SRPK1: variants seen among roughly 807,000 people sequenced by gnomAD.
The protein encoded by SRPK1 is SFRS protein kinase 1.
In SRPK1, 52 loss-of-function variants were observed where a neutral mutation model predicts 89.5. The observed-to-expected ratio is 0.58, with a 90% confidence interval of 0.46 to 0.73. The LOEUF (loss-of-function observed/expected upper bound fraction) is 0.73. SRPK1 is among the 30% of genes least tolerant of loss of function. The probability of loss-of-function intolerance (pLI) is 0.00; values close to 1 mark genes in which losing one functional copy is unlikely to be tolerated. For synonymous variants in SRPK1, 255 were observed against 270.2 expected (o/e 0.94, Z 0.55); for missense variants, 603 against 780.6 (o/e 0.77, Z 2.71).
rs1003406705 is a variant in SRPK1 at position 35,885,958 on chromosome 6, C to T, written c.478+766G>A. Reference sequence around the variant, plus strand: ...CCTTTTAGACTCTAAACATAAACTACATTCACAGCCTCTTCAAAGTTGAGG... The same window carrying T: ...CCTTTTAGACTCTAAACATAAACTATATTCACAGCCTCTTCAAAGTTGAGG... On this transcript the variant is annotated intron_variant, in intron 6 of 15. Coordinates refer to ENST00000373825, the MANE Select transcript of SRPK1 (RefSeq NM_003137.5). Among the ~76,000 whole-genome samples, 16 of 152,172 alleles carry T rather than the reference C, an allele frequency of 1.1e-4. No individual in the cohort carries two copies. The South Asian group carries it at 1.7e-3, about 16-fold the overall frequency.
chr6:35,867,083 T>C (rs9470152), intron 12 of SRPK1, among the ~76,000 whole-genome samples: 48,351 of 151,980 alleles, frequency 0.32, 7,931 homozygotes, highest in South Asian at 0.42. Flanking sequence ...GATGGATCCA[T>C]TGAAGGCCCT....
At chr6:35,879,954 T>A (rs1460805541) in intron 6 of SRPK1, among the ~76,000 whole-genome samples, 1 of 151,474 alleles carries the variant, frequency 6.6e-6, no homozygotes, top group Non-Finnish European at 1.5e-5. Flanking sequence ...ACCTGTAGTC[T>A]GGAGGCTTAG....
intron 2 of SRPK1, among the ~76,000 whole-genome samples, chr6:35,908,111 G>A (rs1770888672): frequency 6.6e-6 from 1 of 152,148 alleles, no homozygotes; most frequent in Non-Finnish European, 1.5e-5. Context: ...CCCGGTCTCA[G>A]GTAGTATTCT....
At chr6:35,842,283 G>C (rs962557804) in intron 14 of SRPK1, among the ~76,000 whole-genome samples, 1 of 152,136 alleles carries the variant, frequency 6.6e-6, no homozygotes, top group African/African-American at 2.4e-5. Flanking sequence ...ACTAGATGTT[G>C]AAGAAAAAAT....
intron 8 of SRPK1, 21 bp downstream of exon 8, chr6:35,872,542 A>T: frequency 1.3e-6 from 2 of 1,561,920 alleles, no homozygotes; most frequent in Non-Finnish European, 1.7e-6. Flanking sequence ...ATGATAGCGA[A>T]GTCCCTAAAA....
chr6:35,920,588 G>A, intron 1 of SRPK1, 60 bp from the exon 2 acceptor site: 2 of 1,542,778 alleles, frequency 1.3e-6, no homozygotes, highest in Non-Finnish European at 1.8e-6. Context: ...ACCAAGGTGA[G>A]GGTGGAGACC....
intron 6 of SRPK1, among the ~76,000 whole-genome samples, chr6:35,884,961 T>C (rs142325666): frequency 0.01 from 1,555 of 152,106 alleles, 22 homozygotes; most frequent in African/African-American, 0.035. Context: ...GATTATGCCA[T>C]TGAACTCCAA....
rs1472232213 is a variant in SRPK1, at chr6:35,834,893, C to T, written c.*411G>A. 6.4e-6 allele frequency: 1 copy of T among 155,888 alleles called. No homozygotes were observed. The highest frequency in any genetic ancestry group is 2.4e-5 in the African/African-American group (1 of 41,640). 9.7% of individuals were successfully genotyped at this position (155,888 alleles called of 1,614,324 possible). On this transcript the variant is annotated 3_prime_UTR_variant, in exon 16 of 16. Transcript: ENST00000373825. ...ATAGAATTAAGACCCTTTCCCCCTC[C>T]TCATCCTTATGCTGGCAATAGGATA...
chr6:35,861,028 G>A (rs148718885), intron 12 of SRPK1, among the ~76,000 whole-genome samples: 4 of 152,276 alleles, frequency 2.6e-5, no homozygotes, highest in Non-Finnish European at 4.4e-5. Flanking sequence ...CCACTGCAAC[G>A]TTTAGCGAAT....
chr6:35,885,290 CACACACACAGAGAGAGAG>C (rs1770381371), intron 6 of SRPK1, among the ~76,000 whole-genome samples: 5 of 135,472 alleles, frequency 3.7e-5, no homozygotes, highest in African/African-American at 1.4e-4. Context: ...CACACACACA[CACACACACAGAGAGAGAG>C]AGAGAGAGAG....
intron 13 of SRPK1, among the ~76,000 whole-genome samples, chr6:35,846,188 G>A (rs534645646): frequency 5.9e-4 from 89 of 152,050 alleles, no homozygotes; most frequent in South Asian, 1.0e-3. Context: ...ACTTTGGGAG[G>A]CCAAGACGGG....
chr6:35,895,799 T>C (rs1770615845), intron 2 of SRPK1: 1 of 152,256 alleles, frequency 6.6e-6, no homozygotes, highest in South Asian at 2.1e-4. Flanking sequence ...GTACTCTTTT[T>C]GTCCAATCAC....
intron 13 of SRPK1, among the ~76,000 whole-genome samples, chr6:35,852,971 G>C (rs1769586292): frequency 6.6e-6 from 1 of 152,170 alleles, no homozygotes; most frequent in Admixed American, 6.5e-5. Context: ...CAGGCACAGT[G>C]ACTCATGCCT....
At chr6:35,883,252 G>A (rs1770334548) in intron 6 of SRPK1, among the ~76,000 whole-genome samples, 1 of 152,164 alleles carries the variant, frequency 6.6e-6, no homozygotes, top group Non-Finnish European at 1.5e-5. Context: ...AGCTGGGCGT[G>A]GTGGTGTGCA....
chr6:35,896,234 C>T (rs893812007), intron 2 of SRPK1, among the ~76,000 whole-genome samples: 3 of 152,148 alleles, frequency 2.0e-5, no homozygotes, highest in African/African-American at 7.2e-5. Context: ...CAAGAAGACA[C>T]TGTCAGAACT....
At chr6:35,909,874 T>C (rs1217205947) in intron 2 of SRPK1, among the ~76,000 whole-genome samples, 1 of 152,224 alleles carries the variant, frequency 6.6e-6, no homozygotes, top group Non-Finnish European at 1.5e-5. Context: ...CCATGCTTCC[T>C]GGTAAGCCTG....
chr6:35,845,373 G>T lies in SRPK1; in HGVS notation c.1621-2769C>A, dbSNP rs191052851. Reference sequence around the variant, plus strand: ...TGTGGGGAGCATATAAAACTTATTTGTACTTTTTGTTCAATTTTTCTGTGA... The same window carrying T: ...TGTGGGGAGCATATAAAACTTATTTTTACTTTTTGTTCAATTTTTCTGTGA... On this transcript the variant is annotated intron_variant, in intron 13 of 15. Coordinates refer to ENST00000373825, the MANE Select transcript of SRPK1 (RefSeq NM_003137.5). 1.5e-3 allele frequency among the ~76,000 whole-genome samples: 222 copies of T among 152,192 alleles called. 3 individuals are homozygous for T. Among genetic ancestry groups the T allele is most frequent in the African/African-American group, 5.0e-3 (206 of 41,540 alleles).
chr6:35,873,492 C>CT (rs141573769), intron 7 of SRPK1, among the ~76,000 whole-genome samples: 5,026 of 147,274 alleles, frequency 0.034, 93 homozygotes, highest in Middle Eastern at 0.07. Context: ...TAGCAATTAA[C>CT]TTTTTTTTTT....
At chr6:35,843,204 G>T (rs1474353190) in intron 13 of SRPK1, among the ~76,000 whole-genome samples, 1 of 151,484 alleles carries the variant, frequency 6.6e-6, no homozygotes, top group Non-Finnish European at 1.5e-5. Flanking sequence ...TCCTGACCTC[G>T]TGATCTGCCA....
Sources: allele counts gnomAD v4.1 joint callset (sites outside exome capture counted in the v4.1 genomes callset), GRCh38; gene constraint gnomAD v4.1.1; transcripts MANE v1.5; gene names NCBI Gene and HGNC (gene_info 2026-07-23, HGNC 2026-07-21).